IGSF23: variants seen among roughly 807,000 people sequenced by gnomAD.
IGSF23 encodes the protein immunoglobulin superfamily, member 23.
A neutral mutation model predicts 17.8 loss-of-function variants in IGSF23; 14 were observed. The observed-to-expected ratio is 0.79, with a 90% CI of 0.52 to 1.23. IGSF23 has a LOEUF of 1.23. Ranked by LOEUF, IGSF23 falls within the 50% of genes most tolerant of loss-of-function variation. The pLI is 0.00. For missense variants in IGSF23, 214 were observed against 241.7 expected, an observed-to-expected ratio of 0.89 and a Z score of 0.76; for synonymous variants, 85 against 92.5, an observed-to-expected ratio of 0.92 and a Z score of 0.46.
At chr19:44,623,586 G>A in intron 1 of IGSF23, 121 bp from the exon 2 acceptor site, 1 of 1,046,100 alleles carries the variant, frequency 9.6e-7, no homozygotes. Flanking sequence ...ACATTCATGG[G>A]TGAATTAATG....
chr19:44,613,731 A>G lies in IGSF23; in HGVS notation c.86A>G (p.Glu29Gly). Residue 29 changes from glutamate (E) to glycine (G), a missense_variant, in exon 1 of 5, where the codon GAG becomes GGG. Glu to Gly is a moderately conservative substitution (Grantham distance 98, BLOSUM62 -2). Transcript: ENST00000402988. Reference protein sequence around the residue: ...PPTTTTDPMLEKDAAGGDFPA... With the variant: ...PPTTTTDPMLGKDAAGGDFPA... Reference sequence around the variant, plus strand: ...ACCACCACCACTGACCCGATGCTAGAGAAGGATGCGGCTGGAGGTGACTTC... The same window carrying G: ...ACCACCACCACTGACCCGATGCTAGGGAAGGATGCGGCTGGAGGTGACTTC... 1 of 1,550,572 alleles carries G rather than the reference A, an allele frequency of 6.4e-7. No individual in the cohort carries two copies. Among genetic ancestry groups the G allele is most frequent in the Non-Finnish European group, 8.7e-7 (1 of 1,146,966 alleles).
chr19:44,624,816 C>T (rs548159441), intron 2 of IGSF23, among the ~76,000 whole-genome samples: 1 of 146,444 alleles, frequency 6.8e-6, no homozygotes, highest in South Asian at 2.1e-4. Context: ...AACCCCAGCA[C>T]TTTGGGAGGC....
At chr19:44,634,091 G>C (rs1041580279) in intron 3 of IGSF23, among the ~76,000 whole-genome samples, 1 of 151,638 alleles carries the variant, frequency 6.6e-6, no homozygotes, top group African/African-American at 2.4e-5. Flanking sequence ...CAGGCAGAAG[G>C]CTCACAGCTT....
chr19:44,614,304 C>A (rs984242085), intron 1 of IGSF23, among the ~76,000 whole-genome samples: 1 of 152,206 alleles, frequency 6.6e-6, no homozygotes, highest in Admixed American at 6.5e-5. Context: ...TGCCCTGTCT[C>A]ACCCCTGCAA....
chr19:44,629,074 G>A (rs1972713833), intron 3 of IGSF23, among the ~76,000 whole-genome samples: 1 of 152,294 alleles, frequency 6.6e-6, no homozygotes, highest in Admixed American at 6.5e-5. Context: ...TAACATGTGG[G>A]TCAGAGAGGG....
rs562534908 is a variant in IGSF23, at chr19:44,624,348, G to A, written c.391+376G>A. Among the ~76,000 whole-genome samples, 128 of 146,022 alleles carry A rather than the reference G, an allele frequency of 8.8e-4. 2 individuals are homozygous for A. The highest frequency in any genetic ancestry group is 1.2e-3 in the Non-Finnish European group (81 of 66,990). On this transcript the variant is annotated intron_variant, in intron 2 of 4. Transcript: ENST00000402988. ...CACCCAGGCTGGAGTACAGTGCTGT[G>A]ATCTCAACTCACTGCAACCTCTGCC...
intron 4 of IGSF23, among the ~76,000 whole-genome samples, chr19:44,635,806 A>G (rs1972877465): frequency 2.0e-5 from 3 of 152,256 alleles, no homozygotes; most frequent in Admixed American, 2.0e-4. Flanking sequence ...TCAGCAATCC[A>G]TAGGTGTGAG....
intron 2 of IGSF23, among the ~76,000 whole-genome samples, chr19:44,624,249 T>G (rs1418447749): frequency 6.6e-6 from 1 of 151,422 alleles, no homozygotes; most frequent in Non-Finnish European, 1.5e-5. Context: ...TCCTTCTTCT[T>G]CCTTCTTCTT....
chr19:44,633,581 A>C (rs905653986), intron 3 of IGSF23, among the ~76,000 whole-genome samples: 2 of 152,192 alleles, frequency 1.3e-5, no homozygotes, highest in East Asian at 1.9e-4. Context: ...CAAAATGCAA[A>C]ATATAGCTAC....
At chr19:44,613,963 C>G (rs1353930373) in intron 1 of IGSF23, 193 bp downstream of exon 1, 1 of 1,541,392 alleles carries the variant, frequency 6.5e-7, no homozygotes, top group Non-Finnish European at 8.8e-7. Flanking sequence ...CCAGCCACAC[C>G]CCTACCTGGA....
At chr19:44,621,626 C>CAA in intron 1 of IGSF23, among the ~76,000 whole-genome samples, 1 of 140,374 alleles carries the variant, frequency 7.1e-6, no homozygotes, top group South Asian at 2.2e-4. Context: ...GACCCTGTCT[C>CAA]AAAAAAAAAA....
At chr19:44,619,557 C>A (rs972900366) in intron 1 of IGSF23, among the ~76,000 whole-genome samples, 1 of 152,206 alleles carries the variant, frequency 6.6e-6, no homozygotes, top group Non-Finnish European at 1.5e-5. Flanking sequence ...GGGCAAAATA[C>A]TCTAGGCTTA....
chr19:44,631,150 C>T (rs566492005), intron 3 of IGSF23, among the ~76,000 whole-genome samples: 14 of 151,512 alleles, frequency 9.2e-5, no homozygotes, highest in African/African-American at 3.1e-4. Flanking sequence ...GCTTGTGGTT[C>T]CAGCTACTCG....
At chr19:44,635,324 T>C in intron 3 of IGSF23, 77 bp from the exon 4 acceptor site, 1 of 1,170,840 alleles carries the variant, frequency 8.5e-7, no homozygotes. Flanking sequence ...GGGGAACGGA[T>C]AATAATTCAG....
At chr19:44,631,765 G>A (rs1972771755) in intron 3 of IGSF23, among the ~76,000 whole-genome samples, 1 of 152,240 alleles carries the variant, frequency 6.6e-6, no homozygotes, top group Admixed American at 6.5e-5. Flanking sequence ...TGCAGCAGGA[G>A]CATGTCCTTA....
chr19:44,620,341 T>TTGTGTGTGTGTG lies in IGSF23; in HGVS notation c.126-3333_126-3322dup, dbSNP rs373422531. Among the ~76,000 whole-genome samples the TTGTGTGTGTGTG allele has an allele frequency of 1.8e-3, 249 of 139,394 alleles. 1 individual carries two copies. Among genetic ancestry groups the TTGTGTGTGTGTG allele is most frequent in the East Asian group, 6.3e-3 (29 of 4,572 alleles). 91.4% of individuals were successfully genotyped at this position (139,394 alleles called of 152,430 possible). A position where few individuals can be genotyped will look rare whatever the true frequency, so the allele number is the denominator to read the frequency against. ...TATTTCTGTGATTTGATGACTAATT[T>TTGTGTGTGTGTG]TGTGTGTGTGTGTGTGTGTGTGTGT... On this transcript the variant is annotated intron_variant, in intron 1 of 4. Coordinates refer to ENST00000402988, the MANE Select transcript of IGSF23 (RefSeq NM_001205280.2).
chr19:44,633,017 G>C (rs1236972260), intron 3 of IGSF23, among the ~76,000 whole-genome samples: 3 of 152,210 alleles, frequency 2.0e-5, no homozygotes, highest in African/African-American at 7.2e-5. Flanking sequence ...TCCGCTTTCT[G>C]AGCTGAAGTA....
intron 1 of IGSF23, among the ~76,000 whole-genome samples, chr19:44,618,635 G>C (rs1336671603): frequency 6.6e-6 from 1 of 152,174 alleles, no homozygotes; most frequent in African/African-American, 2.4e-5. Context: ...CCTCCTTCAT[G>C]TGCCTGGCCA....
intron 1 of IGSF23, among the ~76,000 whole-genome samples, chr19:44,616,417 G>C (rs1361634595): frequency 6.6e-6 from 1 of 152,100 alleles, no homozygotes; most frequent in Admixed American, 6.6e-5. Flanking sequence ...AATAGAAACA[G>C]CCAGGCGTGG....
Sources: allele counts gnomAD v4.1 joint callset (sites outside exome capture counted in the v4.1 genomes callset), GRCh38; gene constraint gnomAD v4.1.1; transcripts MANE v1.5; gene names NCBI Gene and HGNC (gene_info 2026-07-23, HGNC 2026-07-21).